Variants in BCL9L observed in about 807,000 individuals in gnomAD.
BCL9L encodes the protein B-cell CLL/lymphoma 9-like protein.
In BCL9L, 19 loss-of-function variants were observed where a neutral mutation model predicts 99.4. The observed-to-expected ratio is 0.19, with a 90% confidence interval of 0.13 to 0.28. The LOEUF (loss-of-function observed/expected upper bound fraction) is 0.28. BCL9L is among the 10% of genes least tolerant of loss of function. The probability of loss-of-function intolerance (pLI) is 1.00; values close to 1 mark genes in which losing one functional copy is unlikely to be tolerated. For missense variants in BCL9L, 2,023 were observed against 2,101.6 expected (o/e 0.96, Z 0.73); for synonymous variants, 900 against 854.8 (o/e 1.05, Z -0.92).
At chr11:118,915,509 G>A (rs1340923814) in intron 2 of BCL9L, among the ~76,000 whole-genome samples, 1 of 152,174 alleles carries the variant, frequency 6.6e-6, no homozygotes, top group Non-Finnish European at 1.5e-5. Context: ...CCTCTCAGAG[G>A]TCAGCTCCCT....
Position 118,907,548 on chromosome 11 carries a change from C to T in BCL9L, c.467G>A (p.Ser156Asn), listed in dbSNP as rs1436807597. ...CGGTCCAGAGCACCATTCGTCCCCA[C>T]TGTACGGCTGCTTCCGCTCCAGCAC... is the stretch of plus-strand genomic sequence containing the variant. ...RCVLERKQPY[S>N]GDEWCSGPDS... is the part of the protein sequence containing the mutation. The change falls in exon 5 of 10, where the codon AGT becomes AAT. Residue 156 changes from serine to asparagine, a missense_variant. Physicochemically the swap from Ser to Asn is conservative, Grantham distance 46 (BLOSUM62 1). Around this residue, in one of 3 missense-constraint regions of BCL9L, gnomAD observed 1,116 missense variants for 1,194.6 expected, o/e 0.93. Transcript: ENST00000683865. 1.2e-6 allele frequency: 2 copies of T among 1,614,076 alleles called. No homozygotes were observed. The highest frequency in any genetic ancestry group is 1.7e-6 in the Non-Finnish European group (2 of 1,180,038).
chr11:118,909,819 C>G, intron 3 of BCL9L, 95 bp downstream of exon 3: 6 of 1,595,956 alleles, frequency 3.8e-6, no homozygotes, highest in Non-Finnish European at 5.1e-6. Context: ...GGCGGCTCCT[C>G]TCCTGGCCAG....
chr11:118,919,413 G>C (rs1198965433), intron 1 of BCL9L, among the ~76,000 whole-genome samples: 5 of 152,042 alleles, frequency 3.3e-5, no homozygotes, highest in Admixed American at 3.3e-4. Context: ...CCCTGAAGAG[G>C]CCAAGTCCTG....
In BCL9L at chr11:118,896,855, G is replaced by A. The variant is rs75438046; in HGVS notation, c.*1560C>T. Reference sequence around the variant, plus strand: ...CCAGGGAACTGCCCTGCCACCTCCCGAGGCAGGAAAGGAAGTGAGAAAAGG... The same window carrying A: ...CCAGGGAACTGCCCTGCCACCTCCCAAGGCAGGAAAGGAAGTGAGAAAAGG... On this transcript the variant is annotated 3_prime_UTR_variant, in exon 10 of 10. Coordinates refer to ENST00000683865, the MANE Select transcript of BCL9L (RefSeq NM_001378213.1). 2,926 of 152,908 alleles carry A rather than the reference G, an allele frequency of 0.019. 42 individuals are homozygous for A. Among genetic ancestry groups the A allele is most frequent in the Middle Eastern group, 0.082 (24 of 294 alleles). 9.5% of individuals were successfully genotyped at this position (152,908 alleles called of 1,614,324 possible).
At chr11:118,924,702 C>A (rs902097026) in intron 1 of BCL9L, among the ~76,000 whole-genome samples, 1 of 152,144 alleles carries the variant, frequency 6.6e-6, no homozygotes, top group South Asian at 2.1e-4. Context: ...GACTGCCCCA[C>A]CCCCCAGCCA....
rs992719955 is a variant in BCL9L at position 118,921,590 on chromosome 11, T to C, written c.-130-2711A>G. Among the ~76,000 whole-genome samples the C allele has an allele frequency of 1.3e-5, 2 of 151,716 alleles. No homozygotes were observed. Among genetic ancestry groups the C allele is most frequent in the African/African-American group, 4.8e-5 (2 of 41,308 alleles). On this transcript the variant is annotated intron_variant, in intron 1 of 9. Coordinates refer to ENST00000683865, the MANE Select transcript of BCL9L (RefSeq NM_001378213.1). This position sits in a 1 kb window ranked among gnomAD's most constrained non-coding sequence, Gnocchi z 5.4. ...GGGAACGGACAGAGGGAGTCCCAGC[T>C]CTGGTGGAAGGGGGCCTAGAATAAA...
chr11:118,906,175 C>G (rs1353074800), intron 5 of BCL9L, among the ~76,000 whole-genome samples: 1 of 152,200 alleles, frequency 6.6e-6, no homozygotes, highest in Non-Finnish European at 1.5e-5. Context: ...GCCTGGGTGT[C>G]AGAGAGAGAC....
In BCL9L at chr11:118,902,149, G is replaced by A. The variant is rs757631725; in HGVS notation, c.1594C>T (p.Arg532Trp). ...AGCCCAATCTGTTCCTCTTTCCGCCGTTTCTCTTCGTAGTACTCCTCCTGC... is the reference window on the plus strand; with the variant it reads ...AGCCCAATCTGTTCCTCTTTCCGCCATTTCTCTTCGTAGTACTCCTCCTGC... ...KLQEEYYEEK[R>W]RKEEQIGLHG... The change falls in exon 8 of 10, where the codon CGG (arginine) becomes TGG (tryptophan). Residue 532 changes from arginine to tryptophan, a missense_variant. Arg to Trp is a moderately radical substitution (Grantham distance 101, BLOSUM62 -3). This residue lies in a region of BCL9L where 1,116 missense variants were observed against 1,194.6 expected (regional missense o/e 0.93). Coordinates refer to ENST00000683865, the MANE Select transcript of BCL9L (RefSeq NM_001378213.1). The surrounding 1 kb of genome is among the most constrained non-coding windows in gnomAD (Gnocchi z 7.8). 4 of 1,614,042 alleles carry A rather than the reference G, an allele frequency of 2.5e-6. No individual in the cohort carries two copies. The highest frequency in any genetic ancestry group is 3.4e-6 in the Non-Finnish European group (4 of 1,180,028).
At position 118,898,874 on chromosome 11, in the gene BCL9L, G is replaced by C. The variant is rs370931863; in HGVS notation, c.4041C>G (p.Asn1347Lys). ...TAGGGGGCTGAGCCTTGGGGGGCTG[G>C]TTCTCGCTCTTGGGGAAGTACTGGA... ...STLQYFPKSE[N>K]QPPKAQPPNL... Residue 1347 changes from asparagine to lysine, a missense_variant, in exon 10 of 10, where the codon AAC (asparagine) becomes AAG (lysine). Asn to Lys is a moderately conservative substitution (Grantham distance 94). Around this residue, in one of 3 missense-constraint regions of BCL9L, gnomAD observed 902 missense variants for 888.2 expected, o/e 1.02. Coordinates refer to ENST00000683865, the MANE Select transcript of BCL9L (RefSeq NM_001378213.1). 1 of 1,614,096 alleles carries C rather than the reference G, an allele frequency of 6.2e-7. No homozygotes were observed. Among genetic ancestry groups the C allele is most frequent in the East Asian group, 2.2e-5 (1 of 44,890 alleles).
intron 5 of BCL9L, among the ~76,000 whole-genome samples, chr11:118,907,008 C>T (rs1169500856): frequency 6.6e-6 from 1 of 152,226 alleles, no homozygotes; most frequent in Non-Finnish European, 1.5e-5. Context: ...CCTCCACACC[C>T]ACTTCTTGTC....
chr11:118,924,994 G>A (rs1203511178), intron 1 of BCL9L, among the ~76,000 whole-genome samples: 1 of 152,212 alleles, frequency 6.6e-6, no homozygotes, highest in East Asian at 1.9e-4. Context: ...AGGGTGGCAG[G>A]GTCCCCTGGC....
chr11:118,900,229 G>T lies in BCL9L; in HGVS notation c.3125-31C>A. The T allele has an allele frequency of 6.4e-7, 1 of 1,552,566 alleles. No homozygotes were observed. Among genetic ancestry groups the T allele is most frequent in the Non-Finnish European group, 8.7e-7 (1 of 1,147,228 alleles). On this transcript the variant is annotated intron_variant, in intron 8 of 9. Coordinates refer to ENST00000683865, the MANE Select transcript of BCL9L (RefSeq NM_001378213.1). The surrounding 1 kb of genome is among the most constrained non-coding windows in gnomAD (Gnocchi z 5.3). ...GAAACGGGGAGACAAAGAGAGCAGG[G>T]GTGACTGGGGAGGGGCAGATGAGTT...
chr11:118,902,294 CG>C lies in BCL9L; in HGVS notation c.1448del (p.Pro483ArgfsTer19), dbSNP rs752970264. 5 of 1,556,808 alleles carry C rather than the reference CG, an allele frequency of 3.2e-6. No homozygotes were observed. Among genetic ancestry groups the C allele is most frequent in the African/African-American group, 1.4e-5 (1 of 73,202 alleles). ...GGTGCCCAGGCACTTCATGCTCCAG[CG>C]GGGGGCCCCCTAGGCTCTGTGTCTG... The part of the protein sequence containing the change: ...ISQTQSLGGP[P>X]LEHEVPGHPP... On this transcript the variant is annotated frameshift_variant, in exon 8 of 10. Coordinates refer to ENST00000683865, the MANE Select transcript of BCL9L (RefSeq NM_001378213.1). LOFTEE classifies it high-confidence loss of function. This position sits in a 1 kb window ranked among gnomAD's most constrained non-coding sequence, Gnocchi z 7.8.
At chr11:118,910,635 C>CGGCAGAGCCCGGGCGGAGA (rs1565626040) in intron 2 of BCL9L, 1 of 152,682 alleles carries the variant, frequency 6.5e-6, no homozygotes, top group African/African-American at 2.4e-5. Flanking sequence ...CCGCCCCCTT[C>CGGCAGAGCCCGGGCGGAGA]GGCAGAGCCC....
intron 3 of BCL9L, among the ~76,000 whole-genome samples, chr11:118,909,267 G>A (rs1183841382): frequency 1.3e-5 from 2 of 152,068 alleles, no homozygotes; most frequent in Non-Finnish European, 2.9e-5. Flanking sequence ...AGGGGGAGGG[G>A]AGCGGTGTGT....
In BCL9L at chr11:118,898,424, C is replaced by G. The variant is rs770828026; in HGVS notation, c.4491G>C (p.Leu1497=). 13 of 1,603,036 alleles carry G rather than the reference C, an allele frequency of 8.1e-6. No homozygotes were observed. In the South Asian group the frequency reaches 1.4e-4, roughly 18 times the overall value. The change falls in exon 10 of 10, where the codon CTG becomes CTC. Residue 1497 remains leucine (L), a synonymous_variant. Coordinates refer to ENST00000683865, the MANE Select transcript of BCL9L (RefSeq NM_001378213.1). ...GCCCTGGCAGCGACTTCTAGAAGGG[C>G]AGGTTGGCCATGCCGCCTGGTGCCG... The part of the protein sequence containing the change: ...YLPAPGGMAN[L]PF
intron 2 of BCL9L, among the ~76,000 whole-genome samples, chr11:118,916,702 G>A (rs1940972380): frequency 6.6e-6 from 1 of 152,206 alleles, no homozygotes; most frequent in Non-Finnish European, 1.5e-5. Flanking sequence ...GCCCATCGGG[G>A]CTCCCCCACA....
intron 1 of BCL9L, among the ~76,000 whole-genome samples, chr11:118,924,430 G>A (rs1249164309): frequency 2.6e-5 from 4 of 151,900 alleles, no homozygotes; most frequent in African/African-American, 7.3e-5. Flanking sequence ...CAGACAGACA[G>A]TAGCTGATCC....
rs1941245988 is a variant in BCL9L at position 118,925,103 on chromosome 11, A to C, written c.-131+135T>G. ...CCTGGGGGAGTCCCCCACACCTTAAACAGCCTGGGGGTACGTGCCAGAGAG... is the reference window on the plus strand; with the variant it reads ...CCTGGGGGAGTCCCCCACACCTTAACCAGCCTGGGGGTACGTGCCAGAGAG... On this transcript the variant is annotated intron_variant, in intron 1 of 9. Coordinates refer to ENST00000683865, the MANE Select transcript of BCL9L (RefSeq NM_001378213.1). The surrounding 1 kb of genome is among the most constrained non-coding windows in gnomAD (Gnocchi z 6.4). 1 of 152,274 alleles carries C rather than the reference A, an allele frequency of 6.6e-6. No homozygotes were observed. The highest frequency in any genetic ancestry group is 2.4e-5 in the African/African-American group (1 of 41,438). 9.4% of individuals were successfully genotyped at this position (152,274 alleles called of 1,614,324 possible). A position where few individuals can be genotyped will look rare whatever the true frequency, so the allele number is the denominator to read the frequency against.
Sources: gnomAD v4.1 joint callset for allele counts (sites outside exome capture counted in the v4.1 genomes callset) on GRCh38, gnomAD v4.1.1 for gene constraint, gnomAD v4.1.1 regional missense constraint, Gnocchi (gnomAD v3.1) non-coding constraint, MANE v1.5 for transcripts, NCBI Gene and HGNC (gene_info 2026-07-23, HGNC 2026-07-21) for gene names.